Variants in CEP192 observed in about 807,000 individuals in gnomAD.
CEP192 encodes the protein centrosomal protein 192.
In CEP192, 151 loss-of-function variants were observed where a neutral mutation model predicts 271.8. That is an observed-to-expected ratio of 0.56 (90% CI 0.49 to 0.64). CEP192 has a LOEUF of 0.64. Ranked by LOEUF, CEP192 falls within the 30% of genes least tolerant of loss-of-function variation. CEP192 has a pLI of 0.00. For synonymous variants in CEP192, 995 were observed against 1,076.5 expected (o/e 0.92, Z 1.48); for missense variants, 2,910 against 3,020.5 (o/e 0.96, Z 0.86).
At chr18:13,101,193 C>T (rs927610169) in intron 38 of CEP192, among the ~76,000 whole-genome samples, 1 of 152,224 alleles carries the variant, frequency 6.6e-6, no homozygotes, top group Non-Finnish European at 1.5e-5. Context: ...ACAGCTGATA[C>T]TGTATTCTGC....
chr18:13,096,113 ATTAG>A, intron 35 of CEP192, 67 bp from the exon 36 acceptor site: 1 of 1,499,502 alleles, frequency 6.7e-7, no homozygotes, highest in South Asian at 1.2e-5. Flanking sequence ...GTTCTGGTTT[ATTAG>A]TTGTTAATAT....
rs2035506369 is a variant in CEP192, at chr18:13,029,702, G to A, written c.1090G>A (p.Ala364Thr). 3.2e-6 allele frequency: 5 copies of A among 1,550,106 alleles called. No homozygotes were observed. In the East Asian group the frequency reaches 7.3e-5, roughly 23 times the overall value. The change falls in exon 10 of 45, where the codon GCT becomes ACT. Residue 364 changes from alanine to threonine, a missense_variant. Coordinates refer to ENST00000506447, the MANE Select transcript of CEP192 (RefSeq NM_032142.4). ...SKDVLVKTLR[A>T]IDVKLNSDNF... ...AGATGTTCTGGTGAAGACCCTCAGGGCTATTGATGTGAAACTTAACTCTGA... is the reference window on the plus strand; with the variant it reads ...AGATGTTCTGGTGAAGACCCTCAGGACTATTGATGTGAAACTTAACTCTGA...
intron 14 of CEP192, among the ~76,000 whole-genome samples, chr18:13,041,973 C>T (rs1266659718): frequency 6.6e-6 from 1 of 152,166 alleles, no homozygotes; most frequent in Non-Finnish European, 1.5e-5. Context: ...AGATTAAAAT[C>T]CACAATCCTC....
rs1375405510 is a variant in CEP192 at position 13,059,237 on chromosome 18, T to G, written c.4413T>G (p.Ala1471=). The G allele has an allele frequency of 6.2e-7, 1 of 1,614,222 alleles. No homozygotes were observed. Among genetic ancestry groups the G allele is most frequent in the Non-Finnish European group, 8.5e-7 (1 of 1,180,042 alleles). Residue 1471 remains alanine (A), a synonymous_variant, in exon 21 of 45, where the codon GCT becomes GCG. Coordinates refer to ENST00000506447, the MANE Select transcript of CEP192 (RefSeq NM_032142.4). The part of the protein sequence containing the change: ...SVASWPCSTD[A]ETIVQAEALA... ...CTTCTTGGCCATGTTCGACAGATGCTGAGACCATCGTACAGGCAGAAGCTT... is the reference window on the plus strand; with the variant it reads ...CTTCTTGGCCATGTTCGACAGATGCGGAGACCATCGTACAGGCAGAAGCTT...
At chr18:13,085,397 T>C (rs2038850915) in intron 30 of CEP192, among the ~76,000 whole-genome samples, 2 of 152,204 alleles carry the variant, frequency 1.3e-5, no homozygotes, top group Non-Finnish European at 2.9e-5. Context: ...CTCTTTAGTT[T>C]AATTAGATCC....
In CEP192 at chr18:13,008,592, G is replaced by A; in HGVS notation, c.427G>A (p.Asp143Asn). ...AGATESLQGQ[D>N]LFNRASPLEQ... is the part of the protein sequence containing the mutation. Reference sequence around the variant, plus strand: ...AGCTACAGAATCCTTGCAGGGCCAAGATCTCTTCAACAGGGCTTCACCACT... The same window carrying A: ...AGCTACAGAATCCTTGCAGGGCCAAAATCTCTTCAACAGGGCTTCACCACT... The change falls in exon 4 of 45, where the codon GAT (aspartate) becomes AAT (asparagine). Residue 143 changes from aspartate to asparagine, a missense_variant. Transcript: ENST00000506447. 6.4e-7 allele frequency: 1 copy of A among 1,551,536 alleles called. No individual in the cohort carries two copies. Among genetic ancestry groups the A allele is most frequent in the South Asian group, 1.2e-5 (1 of 84,062 alleles).
intron 23 of CEP192, 34 bp from the exon 24 acceptor site, chr18:13,068,325 T>C (rs985081312): frequency 3.1e-6 from 5 of 1,604,540 alleles, no homozygotes; most frequent in Admixed American, 3.4e-5. Flanking sequence ...AATACCAGTT[T>C]ACATTAAGAC....
chr18:13,022,207 C>T (rs1315980056), intron 9 of CEP192, among the ~76,000 whole-genome samples: 1 of 151,678 alleles, frequency 6.6e-6, no homozygotes, highest in Non-Finnish European at 1.5e-5. Context: ...TTTTTAGAAT[C>T]TCTATTCTGC....
At chr18:12,998,603 A>AAT (rs1430191033) in intron 1 of CEP192, among the ~76,000 whole-genome samples, 1 of 152,210 alleles carries the variant, frequency 6.6e-6, no homozygotes, top group East Asian at 1.9e-4. Flanking sequence ...CATCCTAAAT[A>AAT]AACTCTCTCA....
chr18:13,100,600 A>G (rs751214641), intron 38 of CEP192, 88 bp downstream of exon 38: 75 of 1,052,642 alleles, frequency 7.1e-5, no homozygotes, highest in Non-Finnish European at 1.0e-4. Context: ...GGTGATAAAT[A>G]TAAATTTCCT....
chr18:13,032,113 C>T (rs138733547), intron 11 of CEP192, among the ~76,000 whole-genome samples: 1 of 152,230 alleles, frequency 6.6e-6, no homozygotes, highest in Non-Finnish European at 1.5e-5. Flanking sequence ...GTGGAACTTG[C>T]TTGGTGAATC....
intron 1 of CEP192, among the ~76,000 whole-genome samples, chr18:12,993,629 A>G (rs906777204): frequency 3.9e-5 from 6 of 152,120 alleles, no homozygotes; most frequent in South Asian, 2.1e-4. Flanking sequence ...ACTCCAAGGC[A>G]TGCACCACCA....
chr18:13,055,963 A>G lies in CEP192; in HGVS notation c.3373A>G (p.Ser1125Gly). ...RKATETTSLSSKPEYVKPDFR... is the reference protein window; with the variant it reads ...RKATETTSLSGKPEYVKPDFR... ...AGCAACTGAAACTACTTCTCTGAGT[A>G]GCAAGCCTGAATATGTAAAACCTGA... The change falls in exon 19 of 45, where the codon AGC becomes GGC. Residue 1125 changes from serine (S) to glycine (G), a missense_variant. By Grantham distance (56) the Ser-to-Gly change is moderately conservative (BLOSUM62 0). Coordinates refer to ENST00000506447, the MANE Select transcript of CEP192 (RefSeq NM_032142.4). 1.9e-6 allele frequency: 3 copies of G among 1,614,230 alleles called. No individual in the cohort carries two copies. The highest frequency in any genetic ancestry group is 2.5e-6 in the Non-Finnish European group (3 of 1,180,044).
intron 4 of CEP192, 62 bp downstream of exon 4, chr18:13,008,693 T>C (rs2034134245): frequency 7.4e-7 from 1 of 1,352,666 alleles, no homozygotes; most frequent in South Asian, 1.4e-5. Flanking sequence ...TTCATTTCCT[T>C]ATCTTTGGAT....
At chr18:13,100,869 G>A (rs1038783414) in intron 38 of CEP192, among the ~76,000 whole-genome samples, 2 of 152,180 alleles carry the variant, frequency 1.3e-5, no homozygotes, top group African/African-American at 2.4e-5. Context: ...TGACATTGAG[G>A]CTCCAGACAG....
chr18:13,056,123 A>G lies in CEP192; in HGVS notation c.3533A>G (p.Gln1178Arg), dbSNP rs1404873224. Residue 1178 changes from glutamine to arginine, a missense_variant, in exon 19 of 45, where the codon CAG becomes CGG. Physicochemically the swap from Gln to Arg is conservative, Grantham distance 43. Transcript: ENST00000506447. ...ALLGKSGLSC[Q>R]VGSATSHPVS... ...CTGGGCAAGTCAGGTCTGAGCTGTC[A>G]GGTGGGGTCAGCCACATCACACCCT... 1.2e-6 allele frequency: 2 copies of G among 1,613,072 alleles called. No homozygotes were observed. The highest frequency in any genetic ancestry group is 1.7e-5 in the Admixed American group (1 of 59,968).
intron 11 of CEP192, among the ~76,000 whole-genome samples, chr18:13,036,939 G>A (rs2035952871): frequency 2.6e-5 from 4 of 152,238 alleles, no homozygotes. Flanking sequence ...CTCAATGCAA[G>A]AGTGCCAAAC....
intron 33 of CEP192, 149 bp from the exon 34 acceptor site, chr18:13,092,228 G>C (rs983696819): frequency 5.9e-6 from 3 of 508,556 alleles, no homozygotes; most frequent in Non-Finnish European, 1.0e-5. Context: ...CTGTAATTTT[G>C]TGCCAGGTGG....
rs749606403 is a variant in CEP192, at chr18:13,113,660, G to A, written c.7122G>A (p.Lys2374=). Residue 2374 remains lysine (K), a synonymous_variant, in exon 41 of 45, where the codon AAG becomes AAA. Coordinates refer to ENST00000506447, the MANE Select transcript of CEP192 (RefSeq NM_032142.4). ...QFWDVECHPL[K]EPHMKHTLRF... is the part of the protein sequence containing the mutation. Reference sequence around the variant, plus strand: ...GGGATGTTGAATGTCACCCTCTTAAGGAGCCTCACATGAAACACACGTTGA... The same window carrying A: ...GGGATGTTGAATGTCACCCTCTTAAAGAGCCTCACATGAAACACACGTTGA... 4.3e-6 allele frequency: 7 copies of A among 1,613,510 alleles called. No individual in the cohort carries two copies. The highest frequency in any genetic ancestry group is 5.9e-6 in the Non-Finnish European group (7 of 1,179,568).
Sources: gnomAD v4.1 joint callset for allele counts (sites outside exome capture counted in the v4.1 genomes callset) on GRCh38, gnomAD v4.1.1 for gene constraint, MANE v1.5 for transcripts, NCBI Gene and HGNC (gene_info 2026-07-23, HGNC 2026-07-21) for gene names.